Variants in C2CD2 observed in about 807,000 individuals in gnomAD.
The protein encoded by C2CD2 is C2 domain-containing protein 2.
A neutral mutation model predicts 74.3 loss-of-function variants in C2CD2; 43 were observed. That is an observed-to-expected ratio of 0.58 (90% CI 0.45 to 0.75). The LOEUF (loss-of-function observed/expected upper bound fraction) is 0.75. Among genes scored for constraint, C2CD2 ranks in the 30% least tolerant of loss-of-function variants. The probability of loss-of-function intolerance (pLI) is 0.00; values close to 1 mark genes in which losing one functional copy is unlikely to be tolerated. For synonymous variants in C2CD2, 422 were observed against 390.7 expected (o/e 1.08, Z -0.94); for missense variants, 801 against 916.3 (o/e 0.87, Z 1.63).
chr21:41,900,849 C>T (rs1456230723), intron 12 of C2CD2: 1 of 152,268 alleles, frequency 6.6e-6, no homozygotes, highest in African/African-American at 2.4e-5. Flanking sequence ...GTAATCCCAA[C>T]ATTTTGGAAG....
At position 41,924,446 on chromosome 21, in the gene C2CD2, C is replaced by T. The variant is rs566612810; in HGVS notation, c.379-2361G>A. 2.0e-5 allele frequency among the ~76,000 whole-genome samples: 3 copies of T among 152,232 alleles called. No individual in the cohort carries two copies. The highest frequency in any genetic ancestry group is 1.9e-4 in the East Asian group (1 of 5,204). On this transcript the variant is annotated intron_variant, in intron 2 of 13. Transcript: ENST00000380486. This position sits in a 1 kb window ranked among gnomAD's most constrained non-coding sequence, Gnocchi z 4.4. ...CTTTCTACCGGTTCTTATAACGCCACGTTCAGAAGACTGATACACATGAGT... is the reference window on the plus strand; with the variant it reads ...CTTTCTACCGGTTCTTATAACGCCATGTTCAGAAGACTGATACACATGAGT...
At chr21:41,912,104 C>G in intron 7 of C2CD2, 1 of 475,070 alleles carries the variant, frequency 2.1e-6, no homozygotes, top group East Asian at 3.5e-5. Context: ...CGATGGCTCC[C>G]TCTCATCATA....
intron 6 of C2CD2, among the ~76,000 whole-genome samples, chr21:41,912,660 T>C (rs967962467): frequency 1.3e-5 from 2 of 152,044 alleles, no homozygotes; most frequent in African/African-American, 4.8e-5. Flanking sequence ...TCAGCTAATT[T>C]TTGTATATTT....
chr21:41,950,252 A>G (rs554759821), intron 1 of C2CD2, among the ~76,000 whole-genome samples: 2 of 152,200 alleles, frequency 1.3e-5, no homozygotes, highest in Non-Finnish European at 2.9e-5. Flanking sequence ...GTGCTCCCCA[A>G]GCCTACTGAG....
At chr21:41,934,620 T>C (rs561122768) in intron 2 of C2CD2, among the ~76,000 whole-genome samples, 2 of 152,298 alleles carry the variant, frequency 1.3e-5, no homozygotes, top group South Asian at 4.1e-4. Context: ...AATAAACACA[T>C]GAGCAAAAAT....
At chr21:41,907,959 A>C (rs1339873379) in intron 8 of C2CD2, 175 bp from the exon 9 acceptor site, 8 of 687,314 alleles carry the variant, frequency 1.2e-5, no homozygotes, top group African/African-American at 5.5e-5. Context: ...AAGACAAAGA[A>C]AGGCTGTGGA....
Position 41,899,002 on chromosome 21 carries a change from C to T in C2CD2, c.1870+51G>A, listed in dbSNP as rs144375176. 2.7e-4 allele frequency: 386 copies of T among 1,413,310 alleles called. 1 individual carries two copies. The highest frequency in any genetic ancestry group is 2.3e-3 in the African/African-American group (153 of 66,156). The allele number at this position is 1,413,310 out of a possible 1,614,324, so 87.5% of individuals were successfully genotyped here. ...ACTTCAGCTTGGAAGCCAGCATGAGCGCAAAGCCACCAAGTGGGGGGCCCG... is the reference window on the plus strand; with the variant it reads ...ACTTCAGCTTGGAAGCCAGCATGAGTGCAAAGCCACCAAGTGGGGGGCCCG... On this transcript the variant is annotated intron_variant, in intron 13 of 13. Transcript: ENST00000380486. This position sits in a 1 kb window ranked among gnomAD's most constrained non-coding sequence, Gnocchi z 4.4.
At chr21:41,934,206 T>C (rs1028112204) in intron 2 of C2CD2, among the ~76,000 whole-genome samples, 5 of 152,148 alleles carry the variant, frequency 3.3e-5, no homozygotes, top group Admixed American at 2.0e-4. Flanking sequence ...AGACGATGGA[T>C]TACTTGAGCC....
rs929885113 is a variant in C2CD2, at chr21:41,923,022, G to A, written c.379-937C>T. On this transcript the variant is annotated intron_variant, in intron 2 of 13. Transcript: ENST00000380486. The surrounding 1 kb of genome is among the most constrained non-coding windows in gnomAD (Gnocchi z 5.8). ...TCCTTTTTTTTTTTTTGGAGATGGA[G>A]TTTCACTCTGTCGCCCAGGTTGGAG... Among the ~76,000 whole-genome samples the A allele has an allele frequency of 2.0e-5, 3 of 147,356 alleles. No individual in the cohort carries two copies. The highest frequency in any genetic ancestry group is 7.6e-5 in the African/African-American group (3 of 39,508).
Position 41,924,164 on chromosome 21 carries a change from G to A in C2CD2, c.379-2079C>T, listed in dbSNP as rs461252. On this transcript the variant is annotated intron_variant, in intron 2 of 13. Coordinates refer to ENST00000380486, the MANE Select transcript of C2CD2 (RefSeq NM_015500.2). The surrounding 1 kb of genome is among the most constrained non-coding windows in gnomAD (Gnocchi z 4.4). ...GATTATCAAAATAATTACTCAGTCA[G>A]GGCCTGCTATTCCCCCAAGTTCAGG... Among the ~76,000 whole-genome samples the A allele has an allele frequency of 0.036, 5,532 of 152,244 alleles. 354 individuals carry two copies. The highest frequency in any genetic ancestry group is 0.13 in the African/African-American group (5,231 of 41,514).
rs552686310 is a variant in C2CD2, at chr21:41,935,053, G to A, written c.378+7094C>T. Among the ~76,000 whole-genome samples, 147 of 152,126 alleles carry A rather than the reference G, an allele frequency of 9.7e-4. 1 individual carries two copies. The highest frequency in any genetic ancestry group is 3.4e-3 in the African/African-American group (143 of 41,510). On this transcript the variant is annotated intron_variant, in intron 2 of 13. Coordinates refer to ENST00000380486, the MANE Select transcript of C2CD2 (RefSeq NM_015500.2). ...ATTACAGGCGTGCACCACCATGCTC[G>A]GCTAATTTTTGTATTTTTAGTAGAG...
chr21:41,890,091 C>T (rs2064732871), intron 13 of C2CD2, among the ~76,000 whole-genome samples: 1 of 152,158 alleles, frequency 6.6e-6, no homozygotes, highest in African/African-American at 2.4e-5. Flanking sequence ...AGGATGGTCA[C>T]ACTCATAAAA....
intron 1 of C2CD2, among the ~76,000 whole-genome samples, chr21:41,949,074 A>T (rs1475978003): frequency 6.6e-6 from 1 of 151,982 alleles, no homozygotes; most frequent in African/African-American, 2.4e-5. Flanking sequence ...AGGCCACGGA[A>T]CACAGGCCTC....
At chr21:41,900,547 G>A (rs991737852) in intron 12 of C2CD2, among the ~76,000 whole-genome samples, 6 of 152,120 alleles carry the variant, frequency 3.9e-5, no homozygotes, top group Non-Finnish European at 2.9e-5. Flanking sequence ...GGCTCAGGAA[G>A]CCCCCAAAAC....
Position 41,888,188 on chromosome 21 carries a change from A to G in C2CD2, c.*936T>C, listed in dbSNP as rs1452266310. 6.6e-6 allele frequency: 1 copy of G among 152,614 alleles called. No individual in the cohort carries two copies. Among genetic ancestry groups the G allele is most frequent in the Non-Finnish European group, 1.5e-5 (1 of 68,032 alleles). 9.5% of individuals were successfully genotyped at this position (152,614 alleles called of 1,614,324 possible). On this transcript the variant is annotated 3_prime_UTR_variant, in exon 14 of 14. Coordinates refer to ENST00000380486, the MANE Select transcript of C2CD2 (RefSeq NM_015500.2). The stretch of plus-strand genomic sequence containing the variant: ...AAAATAATTTCCTCTATTGCCCTAA[A>G]AAGACTTTGTTTTGGCTACTGGCAG...
At chr21:41,951,879 G>C (rs567757848) in intron 1 of C2CD2, among the ~76,000 whole-genome samples, 11 of 152,296 alleles carry the variant, frequency 7.2e-5, no homozygotes, top group African/African-American at 2.4e-4. Flanking sequence ...AAACTCCAGA[G>C]TTAGAAGCTG....
chr21:41,909,998 TAA>T (rs4009689), intron 7 of C2CD2, among the ~76,000 whole-genome samples: 65,072 of 143,482 alleles, frequency 0.45, 14,797 homozygotes, highest in South Asian at 0.52. Context: ...ACAAAGGCAT[TAA>T]AAAAAAAAAA....
In C2CD2 at chr21:41,888,954, C is replaced by A. The variant is rs970835601; in HGVS notation, c.*170G>T. ...TTTTTGTCCTCTCTGGGAGAAGCCTCCTGGCTGGAGACTCAGATTTTGTTT... is the reference window on the plus strand; with the variant it reads ...TTTTTGTCCTCTCTGGGAGAAGCCTACTGGCTGGAGACTCAGATTTTGTTT... On this transcript the variant is annotated 3_prime_UTR_variant, in exon 14 of 14. Transcript: ENST00000380486. 2 of 625,518 alleles carry A rather than the reference C, an allele frequency of 3.2e-6. No individual in the cohort carries two copies. Among genetic ancestry groups the A allele is most frequent in the East Asian group, 2.7e-5 (1 of 36,388 alleles). 38.7% of individuals were successfully genotyped at this position (625,518 alleles called of 1,614,324 possible).
chr21:41,900,593 A>G (rs2064883158), intron 12 of C2CD2, among the ~76,000 whole-genome samples: 1 of 152,126 alleles, frequency 6.6e-6, no homozygotes, highest in Non-Finnish European at 1.5e-5. Flanking sequence ...GGGCAAGGCC[A>G]CCCTCTGGGT....
Sources: gnomAD v4.1 joint callset for allele counts (sites outside exome capture counted in the v4.1 genomes callset) on GRCh38, gnomAD v4.1.1 for gene constraint, Gnocchi (gnomAD v3.1) non-coding constraint, MANE v1.5 for transcripts, NCBI Gene and HGNC (gene_info 2026-07-23, HGNC 2026-07-21) for gene names.